Variants in C13orf46 observed in about 807,000 individuals in gnomAD.
C13orf46 encodes the protein chromosome 13 open reading frame 46.
the C13orf46 span, among the ~76,000 whole-genome samples, chr13:113,929,673 G>A: frequency 1.2e-4 from 18 of 152,222 alleles, no homozygotes; most frequent in African/African-American, 4.8e-5. Context: ...CACTGACCAC[G>A]CAGGGCCATC....
chr13:113,965,726 T>A (rs941789086), intron 5 of C13orf46, among the ~76,000 whole-genome samples: 1 of 142,878 alleles, frequency 7.0e-6, no homozygotes, highest in Admixed American at 7.1e-5. Context: ...ATGGTGGTGA[T>A]GATGGTGAAG....
chr13:113,927,849 T>C, the C13orf46 span: 3 of 379,528 alleles, frequency 7.9e-6, no homozygotes, highest in Admixed American at 4.5e-5. Context: ...ATGTCCAACT[T>C]TGTCAAGATC....
intron 6 of C13orf46, among the ~76,000 whole-genome samples, chr13:113,963,083 C>T (rs1438100700): frequency 6.6e-6 from 1 of 152,200 alleles, no homozygotes; most frequent in Non-Finnish European, 1.5e-5. Flanking sequence ...AAAGCCAGAC[C>T]AGTCGGGGGC....
In C13orf46 at chr13:113,963,176, C is replaced by T. The variant is rs893421417; in HGVS notation, c.572+1751G>A. Among the ~76,000 whole-genome samples the T allele has an allele frequency of 4.5e-4, 69 of 151,858 alleles. 1 individual carries two copies. The highest frequency in any genetic ancestry group is 8.4e-4 in the Non-Finnish European group (57 of 67,916). On this transcript the variant is annotated intron_variant, in intron 6 of 6. Transcript: ENST00000636427. ...CTGCAGCCCCTGTCCTCAGCCTCCC[C>T]GCTATCCTCAGCCTCAGCCCGTCCT...
the C13orf46 span, among the ~76,000 whole-genome samples, chr13:113,936,103 C>T: frequency 1.6e-4 from 25 of 152,324 alleles, no homozygotes; most frequent in African/African-American, 6.0e-4. Flanking sequence ...GTGGAAAAGA[C>T]AGACCTCAAT....
downstream of C13orf46, among the ~76,000 whole-genome samples, chr13:113,950,772 A>AG (rs2052485505): frequency 6.6e-6 from 1 of 152,248 alleles, no homozygotes; most frequent in South Asian, 2.1e-4. Context: ...GCCGGCGCCC[A>AG]GGGGAGACAC....
At chr13:113,958,018 T>C in intron 6 of C13orf46, among the ~76,000 whole-genome samples, 1 of 116,376 alleles carries the variant, frequency 8.6e-6, no homozygotes, top group Admixed American at 1.0e-4. Context: ...CTGGGGGATC[T>C]CCCCTACACT....
At chr13:113,961,032 C>A (rs1229683679) in intron 6 of C13orf46, among the ~76,000 whole-genome samples, 1 of 152,162 alleles carries the variant, frequency 6.6e-6, no homozygotes, top group African/African-American at 2.4e-5. Context: ...CCTGTGAAGT[C>A]TTTTGATAAT....
the C13orf46 span, among the ~76,000 whole-genome samples, chr13:113,936,076 G>A: frequency 1.3e-5 from 2 of 152,234 alleles, no homozygotes; most frequent in Non-Finnish European, 2.9e-5. Flanking sequence ...ATCAAGTTCA[G>A]AGGCTCAAAG....
intron 6 of C13orf46, among the ~76,000 whole-genome samples, chr13:113,963,373 T>A (rs1258004634): frequency 1.7e-5 from 1 of 58,708 alleles, no homozygotes; most frequent in Admixed American, 2.1e-4. Flanking sequence ...CCTCAGCCTC[T>A]CCCGTCCTCA....
At chr13:113,950,814 G>A (rs918118978), downstream of C13orf46, among the ~76,000 whole-genome samples, 14 of 152,212 alleles carry the variant, frequency 9.2e-5, no homozygotes, top group Non-Finnish European at 1.3e-4. Context: ...CAGGGCACGG[G>A]AGTCCTGCCG....
the C13orf46 span, chr13:113,927,246 T>A: frequency 3.3e-6 from 1 of 298,970 alleles, no homozygotes; most frequent in Non-Finnish European, 6.2e-6. Flanking sequence ...GGAGCTCTGG[T>A]CAGTGAAACT....
chr13:113,964,390 G>A (rs2052617243), intron 6 of C13orf46, among the ~76,000 whole-genome samples: 1 of 152,144 alleles, frequency 6.6e-6, no homozygotes, highest in South Asian at 2.1e-4. Flanking sequence ...GGCTTCCCTG[G>A]ACCTACACAG....
rs878961690 is a variant in C13orf46, at chr13:113,955,173, G to C, written c.*1600C>G. On this transcript the variant is annotated 3_prime_UTR_variant, in exon 7 of 7. Transcript: ENST00000636427. ...ATGAGGAGCATCTCGAGGAGAGGAGGAGCATCTGGTGGAGAGGAGGAGCAT... is the reference window on the plus strand; with the variant it reads ...ATGAGGAGCATCTCGAGGAGAGGAGCAGCATCTGGTGGAGAGGAGGAGCAT... The C allele has an allele frequency of 0.3, 63,932 of 210,060 alleles. 10,827 individuals carry two copies. The highest frequency in any genetic ancestry group is 0.43 in the East Asian group (2,245 of 5,242). 13.0% of individuals were successfully genotyped at this position (210,060 alleles called of 1,614,324 possible).
chr13:113,947,182 G>A, the C13orf46 span, among the ~76,000 whole-genome samples: 1 of 152,326 alleles, frequency 6.6e-6, no homozygotes, highest in African/African-American at 2.4e-5. Context: ...TGGAGGAAAC[G>A]CTGTATATAA....
At chr13:113,943,539 G>C in the C13orf46 span, among the ~76,000 whole-genome samples, 1 of 152,132 alleles carries the variant, frequency 6.6e-6, no homozygotes, top group East Asian at 1.9e-4. Flanking sequence ...GCTTCAGAGG[G>C]CTGTGAAATG....
the C13orf46 span, among the ~76,000 whole-genome samples, chr13:113,943,447 A>G: frequency 1.3e-5 from 2 of 152,236 alleles, no homozygotes; most frequent in Non-Finnish European, 2.9e-5. Context: ...CCTGGGATCA[A>G]TAATAGAAAG....
the C13orf46 span, among the ~76,000 whole-genome samples, chr13:113,940,335 G>A: frequency 1.3e-5 from 2 of 152,376 alleles, no homozygotes; most frequent in South Asian, 2.1e-4. Flanking sequence ...ACACACTGGC[G>A]GGGTGGATGC....
chr13:113,933,287 G>C, the C13orf46 span, among the ~76,000 whole-genome samples: 1 of 152,202 alleles, frequency 6.6e-6, no homozygotes, highest in Non-Finnish European at 1.5e-5. Context: ...TTCTCTCCCT[G>C]TTGAATTGCC....
Sources: gnomAD v4.1 joint callset for allele counts (sites outside exome capture counted in the v4.1 genomes callset) on GRCh38, gnomAD v4.1.1 for gene constraint, MANE v1.5 for transcripts, NCBI Gene and HGNC (gene_info 2026-07-23, HGNC 2026-07-21) for gene names.